MALRD1: variants seen among roughly 807,000 people sequenced by gnomAD.
MALRD1 encodes the protein MAM and LDL-receptor class A domain-containing protein 1.
MALRD1 carries 247 observed loss-of-function variants against 242.1 expected under a neutral mutation model. That is an observed-to-expected ratio of 1.02 (90% CI 0.92 to 1.13). MALRD1 has a LOEUF of 1.13. Among genes scored for constraint, MALRD1 ranks in the 50% most tolerant of loss-of-function variants. The pLI is 0.00. For synonymous variants in MALRD1, 995 were observed against 866.6 expected (o/e 1.15, Z -2.60); for missense variants, 2,989 against 2,533.1 (o/e 1.18, Z -3.86).
chr10:19,069,776 A>G (rs1217052652), intron 2 of MALRD1, among the ~76,000 whole-genome samples: 1 of 145,112 alleles, frequency 6.9e-6, no homozygotes, highest in Admixed American at 7.0e-5. Flanking sequence ...TGTTTAATAT[A>G]TCTTTGTTGT....
At chr10:19,714,774 T>A (rs1270904083) in intron 38 of MALRD1, among the ~76,000 whole-genome samples, 1 of 152,228 alleles carries the variant, frequency 6.6e-6, no homozygotes, top group Non-Finnish European at 1.5e-5. Context: ...GCGGATCGCA[T>A]CTTTTATTTA....
rs1385441841 is a variant in MALRD1 at position 19,692,523 on chromosome 10, T to C, written c.6283T>C (p.Cys2095Arg). Residue 2095 changes from cysteine to arginine, a missense_variant, in exon 38 of 40, where the codon TGT (cysteine) becomes CGT (arginine). Coordinates refer to ENST00000454679, the MANE Select transcript of MALRD1 (RefSeq NM_001142308.3). ...LMTHITVAVL[C>R]FLANRKVPIR... The stretch of plus-strand genomic sequence containing the variant: ...GACTCACATCACAGTTGCAGTCTTG[T>C]GTTTTCTTGCAAACAGAAAGGTACC... 1.3e-6 allele frequency: 2 copies of C among 1,535,888 alleles called. No homozygotes were observed. Among genetic ancestry groups the C allele is most frequent in the Non-Finnish European group, 1.7e-6 (2 of 1,146,554 alleles).
chr10:19,697,402 A>G (rs1157442631), intron 38 of MALRD1, among the ~76,000 whole-genome samples: 1 of 76,948 alleles, frequency 1.3e-5, no homozygotes, highest in Non-Finnish European at 2.7e-5. Flanking sequence ...CCCCGCCCCC[A>G]TTATGGAGGG....
intron 31 of MALRD1, among the ~76,000 whole-genome samples, chr10:19,526,717 A>G (rs1201387200): frequency 2.6e-5 from 4 of 152,276 alleles, no homozygotes; most frequent in South Asian, 4.1e-4. Context: ...TGGGCCTTAC[A>G]TGACATTGAT....
intron 36 of MALRD1, among the ~76,000 whole-genome samples, chr10:19,625,363 A>G (rs1839605856): frequency 1.3e-5 from 2 of 151,984 alleles, no homozygotes; most frequent in South Asian, 2.1e-4. Flanking sequence ...ATGAAAATTC[A>G]TATGGTTGCT....
At chr10:19,281,741 G>A (rs1488849050) in intron 20 of MALRD1, among the ~76,000 whole-genome samples, 1 of 152,094 alleles carries the variant, frequency 6.6e-6, no homozygotes, top group Non-Finnish European at 1.5e-5. Flanking sequence ...GGAGGCCAAG[G>A]TGAGCAGATC....
At chr10:19,260,940 A>G (rs182873421) in intron 19 of MALRD1, among the ~76,000 whole-genome samples, 32 of 152,300 alleles carry the variant, frequency 2.1e-4, no homozygotes, top group Non-Finnish European at 4.1e-4. Context: ...AATTAAAGAT[A>G]TAAGTAGTGT....
intron 33 of MALRD1, among the ~76,000 whole-genome samples, chr10:19,569,376 A>T (rs1204411015): frequency 1.3e-5 from 2 of 151,950 alleles, no homozygotes; most frequent in Non-Finnish European, 2.9e-5. Flanking sequence ...TTTGAATAGA[A>T]TAAAGCCATT....
chr10:19,703,663 G>A (rs189288523), intron 38 of MALRD1, among the ~76,000 whole-genome samples: 2 of 152,342 alleles, frequency 1.3e-5, no homozygotes, highest in African/African-American at 4.8e-5. Flanking sequence ...GGGAGGCCAA[G>A]GCGGGTGGAT....
At chr10:19,711,462 T>C (rs1471108516) in intron 38 of MALRD1, among the ~76,000 whole-genome samples, 1 of 152,162 alleles carries the variant, frequency 6.6e-6, no homozygotes, top group Non-Finnish European at 1.5e-5. Context: ...AAGCAAATAA[T>C]CTCAATACTG....
intron 36 of MALRD1, among the ~76,000 whole-genome samples, chr10:19,646,260 C>T (rs1840652382): frequency 6.6e-6 from 1 of 152,184 alleles, no homozygotes; most frequent in South Asian, 2.1e-4. Context: ...TGATCTACTA[C>T]ATCATTTCCA....
chr10:19,685,454 A>G (rs1341176175), intron 36 of MALRD1, among the ~76,000 whole-genome samples: 1 of 152,202 alleles, frequency 6.6e-6, no homozygotes, highest in Non-Finnish European at 1.5e-5. Context: ...AGGGAGAAAA[A>G]TGGAGAAGTA....
chr10:19,633,597 A>T (rs574311400), intron 36 of MALRD1: 1 of 152,048 alleles, frequency 6.6e-6, no homozygotes, highest in Non-Finnish European at 1.5e-5. Flanking sequence ...GATTTCCCCA[A>T]ATAGTTTTGT....
intron 18 of MALRD1, among the ~76,000 whole-genome samples, chr10:19,254,319 G>A (rs1839416185): frequency 1.3e-5 from 2 of 151,890 alleles, no homozygotes; most frequent in Non-Finnish European, 2.9e-5. Context: ...GTATTCTATT[G>A]TATGAATATA....
At chr10:19,637,294 A>G (rs112122183) in intron 36 of MALRD1, among the ~76,000 whole-genome samples, 5 of 152,208 alleles carry the variant, frequency 3.3e-5, no homozygotes, top group African/African-American at 9.6e-5. Context: ...TCAGAAACAA[A>G]CAAACAAAAA....
At chr10:19,226,385 T>C (rs1189345595) in intron 18 of MALRD1, among the ~76,000 whole-genome samples, 1 of 152,166 alleles carries the variant, frequency 6.6e-6, no homozygotes, top group Non-Finnish European at 1.5e-5. Flanking sequence ...CTTAAAATGG[T>C]GAAAGCCTTA....
intron 5 of MALRD1, among the ~76,000 whole-genome samples, chr10:19,119,622 C>T (rs987794954): frequency 2.6e-5 from 4 of 152,082 alleles, no homozygotes; most frequent in African/African-American, 7.2e-5. Context: ...CATCAAGTGC[C>T]GGTTCTGTGA....
At chr10:19,068,052 G>C (rs1835033148) in intron 2 of MALRD1, among the ~76,000 whole-genome samples, 1 of 152,094 alleles carries the variant, frequency 6.6e-6, no homozygotes, top group Admixed American at 6.6e-5. Context: ...TATGTTAGAT[G>C]GTGATATTGA....
At chr10:19,317,314 T>C (rs1056525786) in intron 21 of MALRD1, among the ~76,000 whole-genome samples, 1 of 151,880 alleles carries the variant, frequency 6.6e-6, no homozygotes, top group African/African-American at 2.4e-5. Flanking sequence ...TAGGGTCTCT[T>C]TTCTAAGGAA....
Sources: allele counts gnomAD v4.1 joint callset (sites outside exome capture counted in the v4.1 genomes callset), GRCh38; gene constraint gnomAD v4.1.1; transcripts MANE v1.5; gene names NCBI Gene and HGNC (gene_info 2026-07-23, HGNC 2026-07-21).